The following PTPRD variants were observed in gnomAD, a reference collection of about 807,000 sequenced individuals.
The protein encoded by PTPRD is receptor-type tyrosine-protein phosphatase delta.
PTPRD carries 34 observed loss-of-function variants against 214.5 expected under a neutral mutation model. The ratio of observed to expected loss-of-function variants is 0.16; its 90% CI spans 0.12 to 0.21. The LOEUF (loss-of-function observed/expected upper bound fraction) is 0.21, where lower values mean the gene tolerates loss of function less well. Among genes scored for constraint, PTPRD ranks in the 10% least tolerant of loss-of-function variants. The pLI is 1.00. For synonymous variants in PTPRD, 1,128 were observed against 845.7 expected (o/e 1.33, Z -5.79); for missense variants, 2,545 against 2,398.7 (o/e 1.06, Z -1.27).
intron 8 of PTPRD, among the ~76,000 whole-genome samples, chr9:9,474,066 T>C (rs879617690): frequency 6.6e-6 from 1 of 152,112 alleles, no homozygotes; most frequent in African/African-American, 2.4e-5. Context: ...TCCCCTATAT[T>C]TACTTCTAGT....
chr9:8,928,913 C>T (rs967858134), intron 11 of PTPRD, among the ~76,000 whole-genome samples: 8 of 151,990 alleles, frequency 5.3e-5, no homozygotes, highest in African/African-American at 1.7e-4. Context: ...TCGCATCCCT[C>T]GTAAGTTGTA....
chr9:10,476,051 G>A (rs1015306633), intron 2 of PTPRD, among the ~76,000 whole-genome samples: 2 of 151,920 alleles, frequency 1.3e-5, no homozygotes, highest in African/African-American at 4.8e-5. Context: ...AAGCTGGAAG[G>A]ATTCCCTTTG....
intron 7 of PTPRD, among the ~76,000 whole-genome samples, chr9:9,687,257 A>C (rs1208190357): frequency 2.0e-5 from 3 of 151,848 alleles, no homozygotes; most frequent in Non-Finnish European, 4.4e-5. Flanking sequence ...ATGTTAGAAA[A>C]ATACAGACCT....
At chr9:8,331,789 C>T in intron 43 of PTPRD, 53 bp from the exon 44 acceptor site, 2 of 1,519,462 alleles carry the variant, frequency 1.3e-6, no homozygotes, top group Non-Finnish European at 1.8e-6. Context: ...CAGGAGGATT[C>T]AGCAAGCATA....
chr9:8,864,600 T>A (rs1385599140), intron 11 of PTPRD, among the ~76,000 whole-genome samples: 2 of 152,132 alleles, frequency 1.3e-5, no homozygotes, highest in African/African-American at 4.8e-5. Flanking sequence ...CAGAGGATGG[T>A]TTCCAAAAAA....
At chr9:8,760,854 T>C (rs1416534396) in intron 11 of PTPRD, among the ~76,000 whole-genome samples, 1 of 152,194 alleles carries the variant, frequency 6.6e-6, no homozygotes, top group Non-Finnish European at 1.5e-5. Flanking sequence ...AGGTAGGAAA[T>C]TGTACTATGG....
intron 2 of PTPRD, among the ~76,000 whole-genome samples, chr9:10,497,784 A>G (rs1268394949): frequency 6.6e-6 from 1 of 152,002 alleles, no homozygotes; most frequent in Non-Finnish European, 1.5e-5. Context: ...ATTTGCTATT[A>G]TGTTTATCTT....
chr9:9,335,680 T>C (rs370670892), intron 9 of PTPRD, among the ~76,000 whole-genome samples: 1 of 152,138 alleles, frequency 6.6e-6, no homozygotes, highest in East Asian at 1.9e-4. Context: ...TTTCTTTCTT[T>C]ACTTTTTTAT....
chr9:8,384,868 T>A (rs1021588207), intron 37 of PTPRD, among the ~76,000 whole-genome samples: 5 of 152,174 alleles, frequency 3.3e-5, no homozygotes, highest in African/African-American at 1.2e-4. Context: ...GAAACTCATA[T>A]GAAATATTCA....
At chr9:8,978,018 T>A (rs947319361) in intron 11 of PTPRD, among the ~76,000 whole-genome samples, 5 of 152,036 alleles carry the variant, frequency 3.3e-5, no homozygotes, top group African/African-American at 1.2e-4. Flanking sequence ...TTTAAAGTAA[T>A]CCAAGCAAAG....
intron 3 of PTPRD, among the ~76,000 whole-genome samples, chr9:10,206,246 A>G (rs2099477165): frequency 6.6e-6 from 1 of 152,198 alleles, no homozygotes; most frequent in African/African-American, 2.4e-5. Context: ...CTTAGTTTTT[A>G]TGAAAGCCAA....
At chr9:9,109,650 G>T (rs2099803324) in intron 10 of PTPRD, among the ~76,000 whole-genome samples, 1 of 152,088 alleles carries the variant, frequency 6.6e-6, no homozygotes, top group Admixed American at 6.6e-5. Flanking sequence ...TCTAGGAGAT[G>T]GCCCTGATTT....
intron 2 of PTPRD, among the ~76,000 whole-genome samples, chr9:10,496,014 G>T (rs961860389): frequency 4.0e-5 from 6 of 151,582 alleles, no homozygotes; most frequent in Non-Finnish European, 7.4e-5. Context: ...TTTGATCAAG[G>T]TTATTAAATA....
intron 5 of PTPRD, among the ~76,000 whole-genome samples, chr9:9,893,965 A>G (rs1173605103): frequency 6.6e-6 from 1 of 151,954 alleles, no homozygotes; most frequent in African/African-American, 2.4e-5. Flanking sequence ...AGTGCACACC[A>G]CCACACCCTG....
chr9:9,654,494 C>T (rs925035514), intron 7 of PTPRD, among the ~76,000 whole-genome samples: 1 of 152,064 alleles, frequency 6.6e-6, no homozygotes, highest in African/African-American at 2.4e-5. Context: ...AATAATGCCA[C>T]ATTTAACTGG....
intron 2 of PTPRD, among the ~76,000 whole-genome samples, chr9:10,542,795 C>A (rs1338647591): frequency 6.6e-6 from 1 of 151,930 alleles, no homozygotes; most frequent in African/African-American, 2.4e-5. Context: ...CTTGGCTCAC[C>A]ACAACCTCCG....
chr9:8,576,187 AT>A (rs2092333490), intron 14 of PTPRD, among the ~76,000 whole-genome samples: 3 of 152,124 alleles, frequency 2.0e-5, no homozygotes, highest in Admixed American at 6.6e-5. Flanking sequence ...TTTTCAACCA[AT>A]TGTTGGCATA....
In PTPRD at chr9:8,626,402, T is replaced by A. The variant is rs536917007; in HGVS notation, c.352+6915A>T. 3.1e-4 allele frequency among the ~76,000 whole-genome samples: 47 copies of A among 151,966 alleles called. No homozygotes were observed. In the South Asian group the frequency reaches 9.1e-3, roughly 29 times the overall value. ...CCAATGAGTCACGTCCCAACCTCAT[T>A]TTCTTTTACTACTACTATTTTACTT... On this transcript the variant is annotated intron_variant, in intron 14 of 45. Transcript: ENST00000381196.
At chr9:10,031,041 T>C (rs1366366944) in intron 4 of PTPRD, among the ~76,000 whole-genome samples, 2 of 152,198 alleles carry the variant, frequency 1.3e-5, no homozygotes, top group Non-Finnish European at 2.9e-5. Flanking sequence ...TTAATCTATC[T>C]GTGCTTGTCT....
Sources: gnomAD v4.1 joint callset for allele counts (sites outside exome capture counted in the v4.1 genomes callset) on GRCh38, gnomAD v4.1.1 for gene constraint, MANE v1.5 for transcripts, NCBI Gene and HGNC (gene_info 2026-07-23, HGNC 2026-07-21) for gene names.